GOLGA5: variants seen among roughly 807,000 people sequenced by gnomAD.
GOLGA5 encodes the protein golgin subfamily A member 5.
In GOLGA5, 50 loss-of-function variants were observed where a neutral mutation model predicts 93.5. The ratio of observed to expected loss-of-function variants is 0.53; its 90% CI spans 0.43 to 0.68. The LOEUF (loss-of-function observed/expected upper bound fraction) is 0.68. GOLGA5 is among the 30% of genes least tolerant of loss of function. The pLI, the probability that GOLGA5 is intolerant of heterozygous loss-of-function variation, is 0.00. For synonymous variants in GOLGA5, 312 were observed against 304.5 expected, an observed-to-expected ratio of 1.02 and a Z score of -0.26; for missense variants, 760 against 856.4, an observed-to-expected ratio of 0.89 and a Z score of 1.40.
intron 7 of GOLGA5, among the ~76,000 whole-genome samples, chr14:92,818,221 G>A (rs1885248510): frequency 6.6e-6 from 1 of 151,996 alleles, no homozygotes. Context: ...ATAAGTGTTA[G>A]GTCTAACAAA....
chr14:92,832,992 C>T, intron 9 of GOLGA5, 130 bp from the exon 10 acceptor site: 1 of 636,900 alleles, frequency 1.6e-6, no homozygotes, highest in Non-Finnish European at 2.8e-6. Context: ...CTTTTGTAGA[C>T]ATTGAGTCAG....
chr14:92,812,990 A>G (rs1158071953), intron 6 of GOLGA5, among the ~76,000 whole-genome samples: 1 of 152,184 alleles, frequency 6.6e-6, no homozygotes, highest in East Asian at 1.9e-4. Context: ...TGGAGTGTTC[A>G]GCTCCCAGAC....
chr14:92,821,162 CAT>C (rs1885309777), intron 8 of GOLGA5, among the ~76,000 whole-genome samples: 1 of 152,176 alleles, frequency 6.6e-6, no homozygotes, highest in Admixed American at 6.5e-5. Flanking sequence ...AACTTCAAAA[CAT>C]ATTATATTCA....
intron 2 of GOLGA5, among the ~76,000 whole-genome samples, chr14:92,798,866 A>G (rs1884797897): frequency 6.6e-6 from 1 of 152,300 alleles, no homozygotes; most frequent in East Asian, 1.9e-4. Context: ...CAGTGAGCCG[A>G]GATTGTACCA....
chr14:92,804,986 C>T (rs991041594), intron 2 of GOLGA5, among the ~76,000 whole-genome samples: 2 of 152,190 alleles, frequency 1.3e-5, no homozygotes, highest in African/African-American at 2.4e-5. Flanking sequence ...TGCCCATTCC[C>T]TACCCCACTT....
rs182638115 is a variant in GOLGA5, at chr14:92,833,339, A to G, written c.1937A>G (p.Asn646Ser). 20 of 1,584,588 alleles carry G rather than the reference A, an allele frequency of 1.3e-5. No homozygotes were observed. In the East Asian group the frequency reaches 2.2e-4, roughly 18 times the overall value. ...TCGATTAATATGTCTGGAATTGACA[A>G]TGGTGAAGGTAATCAAAAAAGGAAT... is the stretch of plus-strand genomic sequence containing the variant. Reference protein sequence around the residue: ...GSSINMSGIDNGEGTRLRNVP... With the variant: ...GSSINMSGIDSGEGTRLRNVP... Residue 646 changes from asparagine to serine, a missense_variant, in exon 10 of 13, where the codon AAT (asparagine) becomes AGT (serine). By Grantham distance (46) the Asn-to-Ser change is conservative. Coordinates refer to ENST00000163416, the MANE Select transcript of GOLGA5 (RefSeq NM_005113.4).
At chr14:92,799,768 G>T (rs575712245) in intron 2 of GOLGA5, among the ~76,000 whole-genome samples, 1 of 151,898 alleles carries the variant, frequency 6.6e-6, no homozygotes, top group Admixed American at 6.6e-5. Flanking sequence ...ACCACCCTTG[G>T]CTAATTTTTG....
At chr14:92,798,938 GC>G (rs1411097709) in intron 2 of GOLGA5, among the ~76,000 whole-genome samples, 2 of 152,080 alleles carry the variant, frequency 1.3e-5, no homozygotes, top group African/African-American at 4.8e-5. Context: ...TAGAAAAAAG[GC>G]AAAAAACTTG....
Position 92,833,286 on chromosome 14 carries a change from C to T in GOLGA5, c.1884C>T (p.Ser628=), listed in dbSNP as rs371855374. Residue 628 remains serine, a synonymous_variant, in exon 10 of 13, where the codon TCC becomes TCT. Coordinates refer to ENST00000163416, the MANE Select transcript of GOLGA5 (RefSeq NM_005113.4). ...AGCGCCTCGAACAGCAGATGAACTCCGCCTCTGGAAGTAGTAGTAATGGGT... is the reference window on the plus strand; with the variant it reads ...AGCGCCTCGAACAGCAGATGAACTCTGCCTCTGGAAGTAGTAGTAATGGGT... ...QLERLEQQMN[S]ASGSSSNGSS... 2.1e-4 allele frequency: 344 copies of T among 1,613,860 alleles called. No individual in the cohort carries two copies. In the Middle Eastern group the frequency reaches 2.1e-3, roughly 10 times the overall value.
chr14:92,824,906 A>G (rs1338395988), intron 9 of GOLGA5, among the ~76,000 whole-genome samples: 2 of 152,222 alleles, frequency 1.3e-5, no homozygotes, highest in African/African-American at 4.8e-5. Flanking sequence ...GAAATTTCAG[A>G]CCTTTGACAT....
intron 12 of GOLGA5, 107 bp downstream of exon 12, chr14:92,837,556 T>C: frequency 1.5e-6 from 1 of 666,244 alleles, no homozygotes; most frequent in Non-Finnish European, 2.7e-6. Context: ...ATTTTAGCAA[T>C]CAATCAATTT....
At position 92,811,613 on chromosome 14, in the gene GOLGA5, T is replaced by C. The variant is rs1442867550; in HGVS notation, c.1179T>C (p.Ile393=). ...AACGTCAGAATTTAGCAGAAGCAAT[T>C]ACACTGGCCGAAAGAAAATACTCAG... ...EMERQNLAEA[I]TLAERKYSDE... The change falls in exon 6 of 13, where the codon ATT becomes ATC. Residue 393 remains isoleucine (I), a synonymous_variant. Transcript: ENST00000163416. 6.2e-7 allele frequency: 1 copy of C among 1,613,158 alleles called. No homozygotes were observed. The highest frequency in any genetic ancestry group is 1.1e-5 in the South Asian group (1 of 91,018).
At chr14:92,824,763 G>A (rs2273643) in intron 9 of GOLGA5, 119 bp downstream of exon 9, 52,041 of 596,226 alleles carry the variant, frequency 0.087, 3,275 homozygotes, top group South Asian at 0.2. Flanking sequence ...TAACAGTGGT[G>A]ACAAAAGTTC....
At chr14:92,804,657 T>TC (rs1347693944) in intron 2 of GOLGA5, among the ~76,000 whole-genome samples, 1 of 124,600 alleles carries the variant, frequency 8.0e-6, no homozygotes, top group African/African-American at 3.1e-5. Flanking sequence ...ATTTCTTTCT[T>TC]TTTTTTTTTT....
chr14:92,839,506 G>C lies in GOLGA5; in HGVS notation c.*60G>C. ...TTTCTAGACTTGGGATCTGCAAGAA[G>C]GCCAATTGCCTAAAATTTCTGAGAA... On this transcript the variant is annotated 3_prime_UTR_variant, in exon 13 of 13. Coordinates refer to ENST00000163416, the MANE Select transcript of GOLGA5 (RefSeq NM_005113.4). The C allele has an allele frequency of 9.2e-7, 1 of 1,089,894 alleles. No individual in the cohort carries two copies. The highest frequency in any genetic ancestry group is 1.4e-6 in the Non-Finnish European group (1 of 714,206). The allele number at this position is 1,089,894 out of a possible 1,614,324, so 67.5% of individuals were successfully genotyped here.
intron 8 of GOLGA5, among the ~76,000 whole-genome samples, chr14:92,822,033 G>C (rs916338979): frequency 2.0e-5 from 3 of 152,100 alleles, no homozygotes; most frequent in Non-Finnish European, 2.9e-5. Context: ...TATTTATTTA[G>C]TATATGTTCC....
intron 9 of GOLGA5, among the ~76,000 whole-genome samples, chr14:92,829,894 C>T (rs962144365): frequency 6.6e-6 from 1 of 152,122 alleles, no homozygotes; most frequent in Admixed American, 6.5e-5. Flanking sequence ...TAAGAAATTG[C>T]CACATCCACC....
chr14:92,837,537 CTTA>C, intron 12 of GOLGA5, 88 bp downstream of exon 12: 1 of 699,148 alleles, frequency 1.4e-6, no homozygotes, highest in Non-Finnish European at 2.6e-6. Context: ...GGCTACAGAT[CTTA>C]TTGATATTTT....
rs770485468 is a variant in GOLGA5 at position 92,797,916 on chromosome 14, C to G, written c.479C>G (p.Ser160Cys). Residue 160 changes from serine (S) to cysteine (C), a missense_variant, in exon 2 of 13, where the codon TCT becomes TGT. Ser to Cys is a moderately radical substitution (Grantham distance 112, BLOSUM62 -1). Coordinates refer to ENST00000163416, the MANE Select transcript of GOLGA5 (RefSeq NM_005113.4). ...FQSSQTSSVS[S>C]VNPSVTTIKT... ...AGCTCTCAGACATCAAGTGTCAGTTCTGTGAACCCCAGTGTAACCACCATC... is the reference window on the plus strand; with the variant it reads ...AGCTCTCAGACATCAAGTGTCAGTTGTGTGAACCCCAGTGTAACCACCATC... 4 of 1,610,694 alleles carry G rather than the reference C, an allele frequency of 2.5e-6. No homozygotes were observed. Among genetic ancestry groups the G allele is most frequent in the Non-Finnish European group, 3.4e-6 (4 of 1,179,006 alleles).
Sources: gnomAD v4.1 joint callset for allele counts (sites outside exome capture counted in the v4.1 genomes callset) on GRCh38, gnomAD v4.1.1 for gene constraint, MANE v1.5 for transcripts, NCBI Gene and HGNC (gene_info 2026-07-23, HGNC 2026-07-21) for gene names.